GPR160: variants seen among roughly 807,000 people sequenced by gnomAD.
GPR160 encodes probable G protein-coupled receptor 160.
A neutral mutation model predicts 2.6 loss-of-function variants in GPR160; 2 were observed. That is an observed-to-expected ratio of 0.77 (90% CI 0.32 to 2.44). The LOEUF is 2.44. GPR160 is among the 30% of genes most tolerant of loss of function. GPR160 has a pLI of 0.11. For missense variants in GPR160, 351 were observed against 383.6 expected (o/e 0.91, Z 0.71); for synonymous variants, 130 against 132.2 (o/e 0.98, Z 0.12).
intron 3 of GPR160, among the ~76,000 whole-genome samples, chr3:170,081,305 T>G (rs1197004261): frequency 6.6e-6 from 1 of 151,748 alleles, no homozygotes; most frequent in African/African-American, 2.4e-5. Context: ...TCTGTGCCCT[T>G]GTATATCAAA....
intron 2 of GPR160, among the ~76,000 whole-genome samples, chr3:170,055,774 G>A (rs1711613158): frequency 6.6e-6 from 1 of 151,730 alleles, no homozygotes; most frequent in Non-Finnish European, 1.5e-5. Flanking sequence ...AGCTGGGACT[G>A]CAGGTGTCTG....
rs756561779 is a variant in GPR160, at chr3:170,084,917, G to C, written c.945G>C (p.Lys315Asn). ...GLPLDPFVNW[K>N]CCFIPLTIPN... ...CTTTGGATCCATTTGTCAACTGGAAGTGCTGCTTCATTCCACTTACAATTC... is the reference window on the plus strand; with the variant it reads ...CTTTGGATCCATTTGTCAACTGGAACTGCTGCTTCATTCCACTTACAATTC... Residue 315 changes from lysine (K) to asparagine (N), a missense_variant, in exon 4 of 4, where the codon AAG becomes AAC. Physicochemically the swap from Lys to Asn is moderately conservative, Grantham distance 94 (BLOSUM62 0). Transcript: ENST00000355897. 1.2e-5 allele frequency: 20 copies of C among 1,604,600 alleles called. No individual in the cohort carries two copies. Among genetic ancestry groups the C allele is most frequent in the East Asian group, 4.5e-5 (2 of 44,722 alleles).
At chr3:170,062,343 C>T (rs1712006029) in intron 2 of GPR160, 1 of 284,182 alleles carries the variant, frequency 3.5e-6, no homozygotes, top group East Asian at 1.1e-4. Context: ...TCCAGGGAGG[C>T]GCTGCACCGA....
chr3:170,076,832 C>T (rs954344147), intron 2 of GPR160, among the ~76,000 whole-genome samples: 4 of 151,986 alleles, frequency 2.6e-5, no homozygotes, highest in African/African-American at 9.7e-5. Flanking sequence ...GCATGAGCCA[C>T]CACATGTTGG....
intron 2 of GPR160, among the ~76,000 whole-genome samples, chr3:170,040,887 C>G (rs561274426): frequency 6.6e-6 from 1 of 152,326 alleles, no homozygotes; most frequent in African/African-American, 2.4e-5. Context: ...TAGCAAAGCA[C>G]TGACTCCTAA....
At chr3:170,081,186 T>C (rs1221429865) in intron 3 of GPR160, among the ~76,000 whole-genome samples, 1 of 152,218 alleles carries the variant, frequency 6.6e-6, no homozygotes, top group African/African-American at 2.4e-5. Context: ...TTTTTTGTTT[T>C]CATTTTTGGC....
At position 170,064,725 on chromosome 3, in the gene GPR160, G is replaced by A. The variant is rs1449673046; in HGVS notation, c.-192-15049G>A. On this transcript the variant is annotated intron_variant, in intron 2 of 3. Transcript: ENST00000355897. ...AGTAGAGACGGGGTTTCACCATGTTGGCCAGGCTGGTCTCAAACTCCTGAT... is the reference window on the plus strand; with the variant it reads ...AGTAGAGACGGGGTTTCACCATGTTAGCCAGGCTGGTCTCAAACTCCTGAT... Among the ~76,000 whole-genome samples, 6 of 151,912 alleles carry A rather than the reference G, an allele frequency of 3.9e-5. No homozygotes were observed. The East Asian group carries it at 9.7e-4, about 25-fold the overall frequency.
intron 2 of GPR160, among the ~76,000 whole-genome samples, chr3:170,064,514 C>CTTTTTTTTT (rs1175382810): frequency 4.9e-5 from 4 of 81,048 alleles, no homozygotes; most frequent in South Asian, 4.4e-4. Context: ...CTTTTCTTTT[C>CTTTTTTTTT]TTTTTTTTTT....
At chr3:170,057,111 A>C (rs1711685127) in intron 2 of GPR160, among the ~76,000 whole-genome samples, 1 of 152,222 alleles carries the variant, frequency 6.6e-6, no homozygotes, top group African/African-American at 2.4e-5. Context: ...ATGGCACAGG[A>C]GTTCAGGCTC....
chr3:170,076,088 A>G (rs1317279233), intron 2 of GPR160, among the ~76,000 whole-genome samples: 1 of 152,210 alleles, frequency 6.6e-6, no homozygotes, highest in Non-Finnish European at 1.5e-5. Context: ...CTGGAAATAT[A>G]TACAAATAAC....
chr3:170,064,521 T>C (rs1221145510), intron 2 of GPR160, among the ~76,000 whole-genome samples: 15 of 136,840 alleles, frequency 1.1e-4, no homozygotes, highest in African/African-American at 3.6e-4. Context: ...TTTCTTTTTT[T>C]TTTTTTTTTT....
At chr3:170,082,918 C>T (rs1713205701) in intron 3 of GPR160, among the ~76,000 whole-genome samples, 1 of 151,742 alleles carries the variant, frequency 6.6e-6, no homozygotes, top group Non-Finnish European at 1.5e-5. Context: ...TTGAACCAAT[C>T]TCCAGTTGTT....
At chr3:170,049,266 C>G (rs1716856815) in intron 2 of GPR160, among the ~76,000 whole-genome samples, 1 of 152,174 alleles carries the variant, frequency 6.6e-6, no homozygotes, top group South Asian at 2.1e-4. Flanking sequence ...GTTTTTCTCT[C>G]AAGTTTATCT....
At chr3:170,055,448 C>G (rs968145280) in intron 2 of GPR160, among the ~76,000 whole-genome samples, 1 of 152,168 alleles carries the variant, frequency 6.6e-6, no homozygotes, top group African/African-American at 2.4e-5. Context: ...TTGAGTCATA[C>G]AAGGAGCCAC....
Position 170,065,571 on chromosome 3 carries a change from G to C in GPR160, c.-192-14203G>C, listed in dbSNP as rs148465922. ...TGATGACGTATGCCTTTCTTTCATT[G>C]GCTTCCTAAGAACTTCATGTGAGTA... On this transcript the variant is annotated intron_variant, in intron 2 of 3. Coordinates refer to ENST00000355897, the MANE Select transcript of GPR160 (RefSeq NM_014373.3). 5.5e-4 allele frequency among the ~76,000 whole-genome samples: 83 copies of C among 152,136 alleles called. 2 individuals carry two copies. The East Asian group carries it at 0.016, about 29-fold the overall frequency.
chr3:170,073,481 T>G (rs998102653), intron 2 of GPR160, among the ~76,000 whole-genome samples: 3 of 152,186 alleles, frequency 2.0e-5, no homozygotes, highest in Admixed American at 6.5e-5. Context: ...CTATTGTTTG[T>G]TTTTATCATA....
intron 2 of GPR160, among the ~76,000 whole-genome samples, chr3:170,039,790 G>T (rs1012752674): frequency 6.6e-6 from 1 of 152,208 alleles, no homozygotes; most frequent in African/African-American, 2.4e-5. Flanking sequence ...TAATAGTTCT[G>T]TTTAGTTACT....
intron 2 of GPR160, among the ~76,000 whole-genome samples, chr3:170,049,602 C>G (rs1716868811): frequency 6.6e-6 from 1 of 152,212 alleles, no homozygotes. Context: ...TGTAGACAGA[C>G]TCCAGGGAGC....
At chr3:170,073,479 T>A (rs1559991098) in intron 2 of GPR160, among the ~76,000 whole-genome samples, 1 of 152,326 alleles carries the variant, frequency 6.6e-6, no homozygotes, top group African/African-American at 2.4e-5. Flanking sequence ...TTCTATTGTT[T>A]GTTTTTATCA....
Sources: allele counts gnomAD v4.1 joint callset (sites outside exome capture counted in the v4.1 genomes callset), GRCh38; gene constraint gnomAD v4.1.1; transcripts MANE v1.5; gene names NCBI Gene and HGNC (gene_info 2026-07-23, HGNC 2026-07-21).